The following TTC28 variants were observed in gnomAD, a reference collection of about 807,000 sequenced individuals.
TTC28 encodes the protein tetratricopeptide repeat domain 28.
TTC28 carries 61 observed loss-of-function variants against 198.0 expected under a neutral mutation model. The ratio of observed to expected loss-of-function variants is 0.31; its 90% confidence interval spans 0.25 to 0.38. The LOEUF is 0.38. Ranked by LOEUF, TTC28 falls within the 10% of genes least tolerant of loss-of-function variation. The probability of loss-of-function intolerance (pLI) is 1.00; values close to 1 mark genes in which losing one functional copy is unlikely to be tolerated. For synonymous variants in TTC28, 1,171 were observed against 1,297.8 expected (o/e 0.90, Z 2.10); for missense variants, 2,678 against 3,164.0 (o/e 0.85, Z 3.69).
chr22:28,341,381 G>C (rs915637182), intron 2 of TTC28, among the ~76,000 whole-genome samples: 3 of 152,158 alleles, frequency 2.0e-5, no homozygotes, highest in Admixed American at 6.5e-5. Context: ...ATTTTTGGCT[G>C]GGGGTAATGC....
intron 12 of TTC28, among the ~76,000 whole-genome samples, chr22:28,047,651 T>C (rs900331285): frequency 6.6e-6 from 1 of 152,126 alleles, no homozygotes; most frequent in African/African-American, 2.4e-5. Context: ...TGCCATAGCA[T>C]CAAGTGGGTG....
chr22:28,540,405 G>A (rs1342420037), intron 2 of TTC28, among the ~76,000 whole-genome samples: 2 of 151,958 alleles, frequency 1.3e-5, no homozygotes, highest in African/African-American at 4.8e-5. Flanking sequence ...TTTTTAATGG[G>A]GATTAAGAAT....
chr22:28,656,352 C>T (rs1179806114), intron 1 of TTC28, among the ~76,000 whole-genome samples: 1 of 152,174 alleles, frequency 6.6e-6, no homozygotes, highest in Non-Finnish European at 1.5e-5. Flanking sequence ...AAAGAAATGT[C>T]ATTAAGGCAG....
At chr22:28,284,015 G>A (rs1569238924) in intron 5 of TTC28, among the ~76,000 whole-genome samples, 1 of 152,256 alleles carries the variant, frequency 6.6e-6, no homozygotes, top group South Asian at 2.1e-4. Flanking sequence ...GAACCAAGGA[G>A]AGAAGAGCAC....
chr22:28,591,979 G>C (rs1431714810), intron 2 of TTC28, among the ~76,000 whole-genome samples: 2 of 152,124 alleles, frequency 1.3e-5, no homozygotes, highest in Non-Finnish European at 2.9e-5. Context: ...GGGTGGGCCT[G>C]AATGAAAGAG....
At chr22:28,565,693 C>T (rs2049957474) in intron 2 of TTC28, among the ~76,000 whole-genome samples, 1 of 152,012 alleles carries the variant, frequency 6.6e-6, no homozygotes, top group Non-Finnish European at 1.5e-5. Flanking sequence ...ATTAGAAGGG[C>T]TGAAATCATT....
At chr22:28,194,698 T>C (rs999225795) in intron 5 of TTC28, among the ~76,000 whole-genome samples, 2 of 147,250 alleles carry the variant, frequency 1.4e-5, no homozygotes, top group Non-Finnish European at 3.0e-5. Flanking sequence ...AATGGATAAA[T>C]TCCTCAACAA....
intron 18 of TTC28, 116 bp downstream of exon 18, chr22:27,993,171 C>T: frequency 1.0e-6 from 1 of 959,718 alleles, no homozygotes; most frequent in East Asian, 2.7e-5. Flanking sequence ...CTCAGGACAC[C>T]CTCCTGCTCC....
intron 6 of TTC28, among the ~76,000 whole-genome samples, chr22:28,141,979 G>A (rs1943347000): frequency 1.3e-5 from 2 of 152,100 alleles, no homozygotes; most frequent in African/African-American, 4.8e-5. Context: ...TTTAATGTAG[G>A]CTCTACTTCC....
At chr22:28,229,405 ACTG>A (rs1225114766) in intron 5 of TTC28, among the ~76,000 whole-genome samples, 1 of 152,212 alleles carries the variant, frequency 6.6e-6, no homozygotes, top group Non-Finnish European at 1.5e-5. Context: ...ATCATAATGA[ACTG>A]CTATCAACCA....
intron 5 of TTC28, among the ~76,000 whole-genome samples, chr22:28,264,330 A>G (rs899349840): frequency 7.2e-5 from 11 of 152,144 alleles, no homozygotes; most frequent in African/African-American, 2.4e-4. Context: ...AGGCCTCCCC[A>G]GCCATGTGGA....
At chr22:28,051,823 A>T (rs992516518) in intron 12 of TTC28, among the ~76,000 whole-genome samples, 3 of 152,126 alleles carry the variant, frequency 2.0e-5, no homozygotes, top group African/African-American at 4.8e-5. Context: ...ATTATACCCT[A>T]CCACCCATCG....
Position 27,999,261 on chromosome 22 carries a change from C to A in TTC28, c.4399-1G>T. ...TGGGCGGGTTCTTCCGTAAGTGAGACTAGGAGGGGAGGGGACAAAGCAGAC... is the reference window on the plus strand; with the variant it reads ...TGGGCGGGTTCTTCCGTAAGTGAGAATAGGAGGGGAGGGGACAAAGCAGAC... On this transcript the variant is annotated splice_acceptor_variant, in intron 15 of 22. Transcript: ENST00000397906. LOFTEE classifies it high-confidence loss of function. 6.5e-7 allele frequency: 1 copy of A among 1,545,246 alleles called. No homozygotes were observed. The highest frequency in any genetic ancestry group is 8.7e-7 in the Non-Finnish European group (1 of 1,143,856).
chr22:28,226,816 G>A (rs1030904208), intron 5 of TTC28, among the ~76,000 whole-genome samples: 1 of 152,190 alleles, frequency 6.6e-6, no homozygotes, highest in African/African-American at 2.4e-5. Flanking sequence ...GTTTTAAACT[G>A]TGGTATTTGT....
chr22:28,084,362 C>T (rs1941480529), intron 12 of TTC28, among the ~76,000 whole-genome samples: 3 of 152,180 alleles, frequency 2.0e-5, no homozygotes, highest in Non-Finnish European at 4.4e-5. Flanking sequence ...CCAATATCCG[C>T]TGTTCTGCAG....
chr22:28,076,189 G>C (rs1474951451), intron 12 of TTC28, among the ~76,000 whole-genome samples: 1 of 152,222 alleles, frequency 6.6e-6, no homozygotes. Flanking sequence ...TTTGGATTAA[G>C]TGGTAGGTCA....
chr22:28,393,868 C>T (rs1368743042), intron 2 of TTC28, among the ~76,000 whole-genome samples: 1 of 152,058 alleles, frequency 6.6e-6, no homozygotes, highest in Admixed American at 6.6e-5. Flanking sequence ...CTGTGCCCAC[C>T]TTAATGGCAA....
chr22:28,527,519 C>A lies in TTC28; in HGVS notation c.381+102033G>T, dbSNP rs528617724. Among the ~76,000 whole-genome samples, 32 of 152,316 alleles carry A rather than the reference C, an allele frequency of 2.1e-4. No homozygotes were observed. In the South Asian group the frequency reaches 6.6e-3, roughly 32 times the overall value. On this transcript the variant is annotated intron_variant, in intron 2 of 22. Transcript: ENST00000397906. ...TCTGCCATCAAATGGGCTACAACTA[C>A]ATCTTCTCCAACAAGGTTTCAGACA...
At chr22:28,637,167 C>T (rs566988200) in intron 1 of TTC28, among the ~76,000 whole-genome samples, 1 of 152,130 alleles carries the variant, frequency 6.6e-6, no homozygotes, top group East Asian at 1.9e-4. Context: ...CGCCACCATG[C>T]CAGGCTAATT....
Sources: gnomAD v4.1 joint callset for allele counts (sites outside exome capture counted in the v4.1 genomes callset) on GRCh38, gnomAD v4.1.1 for gene constraint, MANE v1.5 for transcripts, NCBI Gene and HGNC (gene_info 2026-07-23, HGNC 2026-07-21) for gene names.